The following KAT6B variants were observed in gnomAD, a reference collection of about 807,000 sequenced individuals.
The protein encoded by KAT6B is lysine acetyltransferase 6B, also known as histone acetyltransferase KAT6B.
In KAT6B, 10 loss-of-function variants were observed where a neutral mutation model predicts 187.5. The observed-to-expected ratio is 0.05, with a 90% confidence interval of 0.03 to 0.09. The LOEUF is 0.09. KAT6B is among the 10% of genes least tolerant of loss of function. KAT6B has a pLI of 1.00. For missense variants in KAT6B, 1,952 were observed against 2,558.9 expected, an observed-to-expected ratio of 0.76 and a Z score of 5.12; for synonymous variants, 861 against 926.8, an observed-to-expected ratio of 0.93 and a Z score of 1.29.
intron 3 of KAT6B, among the ~76,000 whole-genome samples, chr10:74,897,543 A>C (rs1297879588): frequency 6.6e-6 from 1 of 152,186 alleles, no homozygotes; most frequent in African/African-American, 2.4e-5. Context: ...CGGGCAGAGA[A>C]AATTCAGTAA....
intron 17 of KAT6B, among the ~76,000 whole-genome samples, chr10:75,027,717 GT>G (rs1477864611): frequency 3.9e-5 from 6 of 152,050 alleles, no homozygotes; most frequent in African/African-American, 7.2e-5. Flanking sequence ...CACAATTATG[GT>G]TTGTTTCTAA....
intron 3 of KAT6B, among the ~76,000 whole-genome samples, chr10:74,903,631 G>A (rs1422159626): frequency 6.6e-6 from 1 of 152,212 alleles, no homozygotes; most frequent in Non-Finnish European, 1.5e-5. Context: ...GATAAGAGCA[G>A]AGTCTGGCTG....
intron 16 of KAT6B, chr10:75,023,993 A>G (rs1845629805): frequency 6.6e-6 from 1 of 152,218 alleles, no homozygotes; most frequent in Non-Finnish European, 1.5e-5. Context: ...CAGCAAATCT[A>G]CCTGCTATTC....
At chr10:74,949,226 T>C (rs1467195392) in intron 3 of KAT6B, among the ~76,000 whole-genome samples, 1 of 152,210 alleles carries the variant, frequency 6.6e-6, no homozygotes, top group African/African-American at 2.4e-5. Context: ...AATTTCCAGC[T>C]GTGTTGAATC....
intron 3 of KAT6B, among the ~76,000 whole-genome samples, chr10:74,851,135 T>A (rs1336622069): frequency 6.6e-6 from 1 of 150,752 alleles, no homozygotes; most frequent in Non-Finnish European, 1.5e-5. Context: ...GGATACAGAG[T>A]CTTGCTCTGT....
At chr10:74,949,750 C>T (rs1840187343) in intron 3 of KAT6B, among the ~76,000 whole-genome samples, 1 of 152,176 alleles carries the variant, frequency 6.6e-6, no homozygotes, top group African/African-American at 2.4e-5. Context: ...GACTTTCCCA[C>T]TGTGTGGTCA....
rs756208958 is a variant in KAT6B, at chr10:74,867,609, G to A, written c.621+24131G>A. 3.0e-4 allele frequency among the ~76,000 whole-genome samples: 46 copies of A among 152,238 alleles called. 1 individual carries two copies. The highest frequency in any genetic ancestry group is 5.6e-4 in the Non-Finnish European group (38 of 68,042). The stretch of plus-strand genomic sequence containing the variant: ...AATTTCATTGACATGAGGGACACGA[G>A]GACATGTCTGCACACTGCCAGTTGT... On this transcript the variant is annotated intron_variant, in intron 3 of 17. Coordinates refer to ENST00000287239, the MANE Select transcript of KAT6B (RefSeq NM_012330.4).
Position 75,020,819 on chromosome 10 carries a change from TC to T in KAT6B, c.2861+8del. 6.2e-7 allele frequency: 1 copy of T among 1,612,778 alleles called. No individual in the cohort carries two copies. The highest frequency in any genetic ancestry group is 8.5e-7 in the Non-Finnish European group (1 of 1,179,328). ...ATCGACAAGAGAGATGGCAGGTGAGTCCTGGGACCCTGGGCAGCTCCGTGGC... is the reference window on the plus strand; with the variant it reads ...ATCGACAAGAGAGATGGCAGGTGAGTCTGGGACCCTGGGCAGCTCCGTGGC... On this transcript the variant is annotated splice_region_variant and intron_variant, in intron 14 of 17. Transcript: ENST00000287239.
Position 75,028,953 on chromosome 10 carries a change from A to T in KAT6B, c.4129A>T (p.Asn1377Tyr). The change falls in exon 18 of 18, where the codon AAT (asparagine) becomes TAT (tyrosine). Residue 1377 changes from asparagine (N) to tyrosine (Y), a missense_variant. By Grantham distance (143) the Asn-to-Tyr change is moderately radical. Coordinates refer to ENST00000287239, the MANE Select transcript of KAT6B (RefSeq NM_012330.4). ...EEGEEEEGGG[N>Y]VEKDPDGAKS... ...AGGGGAAGAAGAAGAAGGAGGAGGA[A>T]ATGTAGAAAAAGATCCAGATGGTGC... 6.2e-7 allele frequency: 1 copy of T among 1,613,428 alleles called. No individual in the cohort carries two copies. Among genetic ancestry groups the T allele is most frequent in the Non-Finnish European group, 8.5e-7 (1 of 1,179,730 alleles).
intron 3 of KAT6B, among the ~76,000 whole-genome samples, chr10:74,958,061 A>G (rs935135863): frequency 2.0e-5 from 3 of 152,250 alleles, no homozygotes; most frequent in Non-Finnish European, 4.4e-5. Flanking sequence ...AGTAAAGGGA[A>G]GATAATGAAT....
intron 9 of KAT6B, among the ~76,000 whole-genome samples, chr10:74,978,753 ATTAT>A (rs1842321372): frequency 6.6e-6 from 1 of 152,202 alleles, no homozygotes; most frequent in East Asian, 1.9e-4. Context: ...TTCACAATTG[ATTAT>A]TTAATTACAG....
At chr10:75,014,616 C>T (rs1401247618) in intron 13 of KAT6B, among the ~76,000 whole-genome samples, 1 of 152,046 alleles carries the variant, frequency 6.6e-6, no homozygotes, top group Non-Finnish European at 1.5e-5. Flanking sequence ...TGAAAACTAC[C>T]GATTTAAAGT....
chr10:74,855,657 C>T (rs1281444623), intron 3 of KAT6B, among the ~76,000 whole-genome samples: 1 of 152,114 alleles, frequency 6.6e-6, no homozygotes, highest in Non-Finnish European at 1.5e-5. Flanking sequence ...AGACTCCTGG[C>T]AGTGTGTGAG....
chr10:74,901,081 T>C (rs1339062091), intron 3 of KAT6B, among the ~76,000 whole-genome samples: 1 of 152,192 alleles, frequency 6.6e-6, no homozygotes, highest in African/African-American at 2.4e-5. Context: ...TGTGCTTTTA[T>C]AAGTTAAAAA....
At chr10:74,841,564 C>CA (rs571325192) in intron 2 of KAT6B, among the ~76,000 whole-genome samples, 87 of 143,076 alleles carry the variant, frequency 6.1e-4, no homozygotes, top group African/African-American at 1.4e-3. Flanking sequence ...GACTCTATCT[C>CA]AAAAAAAAAA....
chr10:74,856,928 T>C (rs940052743), intron 3 of KAT6B, among the ~76,000 whole-genome samples: 1 of 151,960 alleles, frequency 6.6e-6, no homozygotes, highest in African/African-American at 2.4e-5. Context: ...GAAAAAATAC[T>C]GTATGGGGGA....
At chr10:74,856,760 G>GCCCA (rs1483910836) in intron 3 of KAT6B, among the ~76,000 whole-genome samples, 1 of 152,116 alleles carries the variant, frequency 6.6e-6, no homozygotes, top group Non-Finnish European at 1.5e-5. Flanking sequence ...AATCAGCTGG[G>GCCCA]CGTGGTGGCA....
Position 74,959,972 on chromosome 10 carries a change from C to G in KAT6B, c.624C>G (p.Pro208=). 1.3e-6 allele frequency: 2 copies of G among 1,597,776 alleles called. No individual in the cohort carries two copies. Among genetic ancestry groups the G allele is most frequent in the Non-Finnish European group, 1.7e-6 (2 of 1,165,436 alleles). ...VSLLPHEKDQ[P]RADPIPICSF... is the part of the protein sequence containing the mutation. ...TTTTTATTTTAATTTTGTCATAGCC[C>G]CGTGCTGATCCCATTCCAATATGTA... is the stretch of plus-strand genomic sequence containing the variant. Residue 208 remains proline, a splice_region_variant and synonymous_variant, in exon 4 of 18, where the codon CCC becomes CCG. Transcript: ENST00000287239.
At chr10:74,847,926 T>A (rs922622793) in intron 3 of KAT6B, among the ~76,000 whole-genome samples, 1 of 150,458 alleles carries the variant, frequency 6.6e-6, no homozygotes, top group African/African-American at 2.4e-5. Context: ...TTTTCTTTTT[T>A]TTTTTTTTTG....
Sources: allele counts gnomAD v4.1 joint callset (sites outside exome capture counted in the v4.1 genomes callset), GRCh38; gene constraint gnomAD v4.1.1; transcripts MANE v1.5; gene names NCBI Gene and HGNC (gene_info 2026-07-23, HGNC 2026-07-21).